Variants in SATB2 observed in about 807,000 individuals in gnomAD.
SATB2 encodes the protein SATB homeobox 2.
A neutral mutation model predicts 73.4 loss-of-function variants in SATB2; 1 was observed. The ratio of observed to expected loss-of-function variants is 0.01; its 90% CI spans 0.00 to 0.06. SATB2 has a LOEUF of 0.06. SATB2 is among the 10% of genes least tolerant of loss of function. The pLI is 1.00. For synonymous variants in SATB2, 397 were observed against 367.0 expected (o/e 1.08, Z -0.93); for missense variants, 459 against 945.8 (o/e 0.49, Z 6.75).
chr2:199,350,253 T>C (rs928212929), intron 6 of SATB2, among the ~76,000 whole-genome samples: 2 of 152,042 alleles, frequency 1.3e-5, no homozygotes, highest in South Asian at 2.1e-4. Flanking sequence ...TATTCACCTA[T>C]AGAACACATA....
intron 10 of SATB2, among the ~76,000 whole-genome samples, chr2:199,283,606 T>G (rs1485032943): frequency 6.6e-6 from 1 of 150,726 alleles, no homozygotes; most frequent in Non-Finnish European, 1.5e-5. Context: ...GCCTATTGCA[T>G]AGACCACACT....
intron 3 of SATB2, among the ~76,000 whole-genome samples, chr2:199,413,322 T>C (rs1284178174): frequency 6.6e-6 from 1 of 152,190 alleles, no homozygotes; most frequent in East Asian, 1.9e-4. Context: ...CACATGCATG[T>C]TTAATAATGA....
At chr2:199,292,006 A>C (rs530297563) in intron 10 of SATB2, among the ~76,000 whole-genome samples, 3 of 152,320 alleles carry the variant, frequency 2.0e-5, no homozygotes, top group Admixed American at 6.5e-5. Context: ...ATTTCTGAGA[A>C]GAGAACAGAT....
chr2:199,388,280 G>A (rs1170404311), intron 3 of SATB2, among the ~76,000 whole-genome samples: 1 of 152,144 alleles, frequency 6.6e-6, no homozygotes, highest in Non-Finnish European at 1.5e-5. Flanking sequence ...TACTGTCCCT[G>A]TAATTATGGA....
At chr2:199,440,528 A>G (rs1022922216) in intron 2 of SATB2, among the ~76,000 whole-genome samples, 1 of 152,214 alleles carries the variant, frequency 6.6e-6, no homozygotes, top group African/African-American at 2.4e-5. Context: ...AGTAGAAAAA[A>G]AATTTCACCA....
At chr2:199,439,424 C>A (rs1440736437) in intron 2 of SATB2, among the ~76,000 whole-genome samples, 13 of 152,228 alleles carry the variant, frequency 8.5e-5, no homozygotes. Flanking sequence ...CTAGTTCTAT[C>A]ACCTGAGAAG....
chr2:199,416,557 C>T (rs77148283), intron 3 of SATB2, among the ~76,000 whole-genome samples: 117 of 152,168 alleles, frequency 7.7e-4, no homozygotes, highest in African/African-American at 2.6e-3. Flanking sequence ...GCTCAAAAAT[C>T]AGGAAGACAG....
intron 3 of SATB2, among the ~76,000 whole-genome samples, chr2:199,411,313 C>A (rs1369203079): frequency 6.6e-6 from 1 of 152,120 alleles, no homozygotes; most frequent in Admixed American, 6.5e-5. Flanking sequence ...AGAAACTCGC[C>A]AAGTACATCT....
At chr2:199,436,554 C>A (rs1691658759) in intron 2 of SATB2, among the ~76,000 whole-genome samples, 1 of 152,030 alleles carries the variant, frequency 6.6e-6, no homozygotes, top group South Asian at 2.1e-4. Context: ...TGAAGAATAT[C>A]ATAAAGGGCT....
chr2:199,431,560 C>T (rs1041035045), intron 3 of SATB2, among the ~76,000 whole-genome samples: 15 of 152,138 alleles, frequency 9.9e-5, no homozygotes, highest in South Asian at 2.1e-4. Flanking sequence ...ACTTTGAGGA[C>T]GCAAATAATC....
upstream of SATB2, chr2:199,470,087 G>A (rs1372311851): frequency 2.6e-5 from 4 of 152,444 alleles, no homozygotes; most frequent in Admixed American, 6.5e-5. Context: ...TCACCCGGCT[G>A]GGAATCAAGA....
intron 2 of SATB2, among the ~76,000 whole-genome samples, chr2:199,435,480 C>A (rs1176306510): frequency 6.6e-6 from 1 of 151,932 alleles, no homozygotes; most frequent in Non-Finnish European, 1.5e-5. Context: ...TCCTGAGAAG[C>A]TGGGATTACA....
At chr2:199,383,922 A>G (rs1462291447) in intron 3 of SATB2, among the ~76,000 whole-genome samples, 1 of 152,224 alleles carries the variant, frequency 6.6e-6, no homozygotes, top group Non-Finnish European at 1.5e-5. Context: ...GGGGCATTAC[A>G]TAGGCAGGGA....
intron 9 of SATB2, among the ~76,000 whole-genome samples, chr2:199,317,039 T>C (rs1663354449): frequency 7.0e-6 from 1 of 142,088 alleles, no homozygotes; most frequent in Admixed American, 7.0e-5. Flanking sequence ...GTTATCATAA[T>C]GGGTGGGTGG....
At chr2:199,429,466 T>G (rs1020019334) in intron 3 of SATB2, among the ~76,000 whole-genome samples, 1 of 152,184 alleles carries the variant, frequency 6.6e-6, no homozygotes, top group African/African-American at 2.4e-5. Context: ...TTTAGAAACA[T>G]TATTTAAATG....
intron 3 of SATB2, among the ~76,000 whole-genome samples, chr2:199,430,014 A>G (rs1288252961): frequency 6.6e-6 from 1 of 152,232 alleles, no homozygotes; most frequent in Non-Finnish European, 1.5e-5. Context: ...AAATTAAATC[A>G]AACAAGCACA....
At chr2:199,309,718 T>C (rs1294718147) in intron 9 of SATB2, among the ~76,000 whole-genome samples, 3 of 152,216 alleles carry the variant, frequency 2.0e-5, no homozygotes, top group Non-Finnish European at 2.9e-5. Context: ...TCAACATCGC[T>C]CACTGACTCA....
At chr2:199,429,130 C>T (rs1478445437) in intron 3 of SATB2, among the ~76,000 whole-genome samples, 1 of 151,366 alleles carries the variant, frequency 6.6e-6, no homozygotes, top group Non-Finnish European at 1.5e-5. Flanking sequence ...ACTGAAAAAA[C>T]AGAAATACAT....
chr2:199,458,528 G>A (rs1270242662), upstream of SATB2: 7 of 375,426 alleles, frequency 1.9e-5, no homozygotes, highest in Admixed American at 3.3e-5. Context: ...CCAGGGTCTG[G>A]TCCTCCTCCT....
Sources: gnomAD v4.1 joint callset for allele counts (sites outside exome capture counted in the v4.1 genomes callset) on GRCh38, gnomAD v4.1.1 for gene constraint, MANE v1.5 for transcripts, NCBI Gene and HGNC (gene_info 2026-07-23, HGNC 2026-07-21) for gene names.